Variants in HPS5 observed in about 807,000 individuals in gnomAD.
HPS5 encodes HPS5 biogenesis of lysosomal organelles complex 2 subunit 2, also known as BLOC-2 complex member HPS5.
A neutral mutation model predicts 128.0 loss-of-function variants in HPS5; 83 were observed. The ratio of observed to expected loss-of-function variants is 0.65; its 90% CI spans 0.54 to 0.78. The LOEUF (loss-of-function observed/expected upper bound fraction) is 0.78, where lower values mean the gene tolerates loss of function less well. Among genes scored for constraint, HPS5 ranks in the 30% least tolerant of loss-of-function variants. HPS5 has a pLI of 0.00. For missense variants in HPS5, 1,281 were observed against 1,326.2 expected (o/e 0.97, Z 0.53); for synonymous variants, 475 against 470.2 (o/e 1.01, Z -0.13).
At chr11:18,306,474 T>C (rs1862385431) in intron 6 of HPS5, 127 bp from the exon 7 acceptor site, 1 of 654,968 alleles carries the variant, frequency 1.5e-6, no homozygotes, top group Non-Finnish European at 2.7e-6. Context: ...ATATTAGCAA[T>C]ATACTGAAAA....
chr11:18,291,892 TGTCA>T lies in HPS5; in HGVS notation c.1986_1989del (p.Asp663ThrfsTer4), dbSNP rs756901895. On this transcript the variant is annotated frameshift_variant, in exon 16 of 23. Transcript: ENST00000349215. LOFTEE classifies it high-confidence loss of function. ...TCCTGGTTCAATTTCATGGATGAGTTGTCAGTATCTGAAACACCTGAAAAGTCCT... is the reference window on the plus strand; with the variant it reads ...TCCTGGTTCAATTTCATGGATGAGTTGTATCTGAAACACCTGAAAAGTCCT... 6.2e-7 allele frequency: 1 copy of T among 1,607,802 alleles called. No individual in the cohort carries two copies. Among genetic ancestry groups the T allele is most frequent in the South Asian group, 1.1e-5 (1 of 90,154 alleles).
intron 6 of HPS5, among the ~76,000 whole-genome samples, chr11:18,306,548 A>C (rs933574599): frequency 6.6e-6 from 1 of 152,224 alleles, no homozygotes; most frequent in African/African-American, 2.4e-5. Flanking sequence ...TATTTCTATG[A>C]CAGGAAGCAA....
chr11:18,310,202 C>T (rs914603003), intron 5 of HPS5, among the ~76,000 whole-genome samples: 1 of 152,148 alleles, frequency 6.6e-6, no homozygotes, highest in Non-Finnish European at 1.5e-5. Flanking sequence ...TGAGTCTCAA[C>T]CCTTCTACTT....
intron 2 of HPS5, chr11:18,314,310 C>A: frequency 6.6e-6 from 1 of 152,492 alleles, no homozygotes; most frequent in Non-Finnish European, 1.5e-5. Context: ...GGGCGGATTA[C>A]TTGAGGCCAG....
chr11:18,294,552 G>A (rs933169442), intron 14 of HPS5, among the ~76,000 whole-genome samples: 4 of 152,048 alleles, frequency 2.6e-5, no homozygotes, highest in African/African-American at 7.2e-5. Flanking sequence ...GGGGAAGGAG[G>A]GGAGTTATGC....
intron 1 of HPS5, 91 bp downstream of exon 1, chr11:18,321,855 T>C (rs1320624016): frequency 6.6e-6 from 1 of 152,210 alleles, no homozygotes; most frequent in Non-Finnish European, 1.5e-5. Flanking sequence ...GCCTACTATG[T>C]TCCAGGACCT....
intron 8 of HPS5, among the ~76,000 whole-genome samples, chr11:18,303,078 G>A (rs1483999227): frequency 1.4e-5 from 2 of 142,286 alleles, no homozygotes; most frequent in African/African-American, 2.7e-5. Context: ...GAATGTGCCT[G>A]AAAGGAAACA....
At chr11:18,298,420 A>G (rs1015593688) in intron 10 of HPS5, among the ~76,000 whole-genome samples, 7 of 151,692 alleles carry the variant, frequency 4.6e-5, no homozygotes, top group Non-Finnish European at 5.9e-5. Flanking sequence ...GCTTGAACCC[A>G]GGAGGCAGAG....
In HPS5 at chr11:18,292,994, A is replaced by G; in HGVS notation, c.1785-18T>C. ...TTTCCTCCCTAAAAAAGTGTGCAAAATAACAATAACATTCACAAGAGTTAG... is the reference window on the plus strand; with the variant it reads ...TTTCCTCCCTAAAAAAGTGTGCAAAGTAACAATAACATTCACAAGAGTTAG... On this transcript the variant is annotated intron_variant, in intron 14 of 22. Coordinates refer to ENST00000349215, the MANE Select transcript of HPS5 (RefSeq NM_181507.2). The G allele has an allele frequency of 6.3e-7, 1 of 1,593,824 alleles. No individual in the cohort carries two copies. The highest frequency in any genetic ancestry group is 8.6e-7 in the Non-Finnish European group (1 of 1,162,736).
At chr11:18,318,317 T>C (rs1311290218) in intron 1 of HPS5, among the ~76,000 whole-genome samples, 3 of 152,226 alleles carry the variant, frequency 2.0e-5, no homozygotes, top group Non-Finnish European at 4.4e-5. Context: ...GGCCTCAACT[T>C]ATTAACTGTT....
At position 18,298,476 on chromosome 11, in the gene HPS5, C is replaced by T. The variant is rs60277497; in HGVS notation, c.1164+316G>A. ...CGCCACTGCACTCCAGCCTGGGTGA[C>T]AGAGCGAGACTGTCTCAAAATAATA... is the stretch of plus-strand genomic sequence containing the variant. On this transcript the variant is annotated intron_variant, in intron 10 of 22. Coordinates refer to ENST00000349215, the MANE Select transcript of HPS5 (RefSeq NM_181507.2). Among the ~76,000 whole-genome samples the T allele has an allele frequency of 2.4e-3, 365 of 152,304 alleles. 3 individuals are homozygous for T. Among genetic ancestry groups the T allele is most frequent in the African/African-American group, 8.2e-3 (342 of 41,550 alleles).
chr11:18,280,014 T>C, intron 22 of HPS5, 72 bp from the exon 23 acceptor site: 1 of 1,471,712 alleles, frequency 6.8e-7, no homozygotes, highest in Non-Finnish European at 9.5e-7. Flanking sequence ...ACTTAAAAAC[T>C]ACAGAGTTTC....
chr11:18,292,422 A>C (rs1034887391), intron 15 of HPS5, among the ~76,000 whole-genome samples: 1 of 152,034 alleles, frequency 6.6e-6, no homozygotes, highest in Non-Finnish European at 1.5e-5. Context: ...TCAAACTTCT[A>C]AGCTCAAGCG....
rs181052009 is a variant in HPS5 at position 18,291,765 on chromosome 11, G to A, written c.2117C>T (p.Ala706Val). 9 of 1,614,090 alleles carry A rather than the reference G, an allele frequency of 5.6e-6. No homozygotes were observed. The African/African-American group carries it at 1.2e-4, about 22-fold the overall frequency. Residue 706 changes from alanine to valine, a missense_variant, in exon 16 of 23, where the codon GCA becomes GTA. Transcript: ENST00000349215. ...LGNEESVDKTACECVRSPRES... is the reference protein window; with the variant it reads ...LGNEESVDKTVCECVRSPRES... ...CCTTGGACTCCTTACACATTCACAT[G>A]CTGTTTTATCAACAGATTCTTCATT...
chr11:18,309,597 C>T (rs1055275898), intron 5 of HPS5, among the ~76,000 whole-genome samples: 1 of 152,180 alleles, frequency 6.6e-6, no homozygotes, highest in Admixed American at 6.5e-5. Flanking sequence ...AATAAGTTTA[C>T]TAGGGTTTCT....
At chr11:18,320,062 C>CG (rs2133921050) in intron 1 of HPS5, among the ~76,000 whole-genome samples, 1 of 151,418 alleles carries the variant, frequency 6.6e-6, no homozygotes, top group East Asian at 1.9e-4. Context: ...TAATATAATG[C>CG]GGGGGTGTGC....
Position 18,291,637 on chromosome 11 carries a change from C to A in HPS5, c.2245G>T (p.Val749Leu), listed in dbSNP as rs1352086417. The A allele has an allele frequency of 1.9e-6, 3 of 1,614,216 alleles. No homozygotes were observed. Among genetic ancestry groups the A allele is most frequent in the Non-Finnish European group, 2.5e-6 (3 of 1,180,038 alleles). The change falls in exon 16 of 23, where the codon GTA (valine) becomes TTA (leucine). Residue 749 changes from valine (V) to leucine (L), a missense_variant. Physicochemically the swap from Val to Leu is conservative, Grantham distance 32. Coordinates refer to ENST00000349215, the MANE Select transcript of HPS5 (RefSeq NM_181507.2). The part of the protein sequence containing the change: ...ELTTLCLELN[V>L]LNSKIKSTSG... ...GTGCTTTTGATCTTAGAATTCAATACATTCAACTCCAAACATAATGTTGTC... is the reference window on the plus strand; with the variant it reads ...GTGCTTTTGATCTTAGAATTCAATAAATTCAACTCCAAACATAATGTTGTC...
chr11:18,280,667 A>T (rs558077206), intron 22 of HPS5: 5 of 670,254 alleles, frequency 7.5e-6, no homozygotes, highest in African/African-American at 1.8e-5. Context: ...ATGGATAAAC[A>T]AAAGGTGGCA....
chr11:18,318,306 AG>A (rs1244952284), intron 1 of HPS5, among the ~76,000 whole-genome samples: 1 of 152,226 alleles, frequency 6.6e-6, no homozygotes, highest in Non-Finnish European at 1.5e-5. Context: ...TCTTCTGTAA[AG>A]GCCTCAACTT....
Sources: gnomAD v4.1 joint callset for allele counts (sites outside exome capture counted in the v4.1 genomes callset) on GRCh38, gnomAD v4.1.1 for gene constraint, MANE v1.5 for transcripts, NCBI Gene and HGNC (gene_info 2026-07-23, HGNC 2026-07-21) for gene names.